Variants in TPCN2 observed in about 807,000 individuals in gnomAD.
TPCN2 encodes two pore channel protein 2.
TPCN2 carries 92 observed loss-of-function variants against 111.4 expected under a neutral mutation model. That is an observed-to-expected ratio of 0.83 (90% confidence interval 0.70 to 0.98). The LOEUF (loss-of-function observed/expected upper bound fraction) is 0.98. TPCN2 is among the 50% of genes least tolerant of loss of function. The pLI is 0.00. For missense variants in TPCN2, 995 were observed against 980.1 expected, an observed-to-expected ratio of 1.02 and a Z score of -0.20; for synonymous variants, 405 against 414.5, an observed-to-expected ratio of 0.98 and a Z score of 0.28.
intron 5 of TPCN2, among the ~76,000 whole-genome samples, chr11:69,059,752 A>AT (rs1222152002): frequency 6.6e-6 from 1 of 152,242 alleles, no homozygotes; most frequent in Non-Finnish European, 1.5e-5. Flanking sequence ...GAGGCAGGGC[A>AT]GGCAGATTCA....
intron 7 of TPCN2, among the ~76,000 whole-genome samples, chr11:69,066,861 G>A (rs1030453443): frequency 9.2e-5 from 14 of 152,186 alleles, no homozygotes; most frequent in East Asian, 3.9e-4. Flanking sequence ...CCCCGGGCCC[G>A]GAGTCTCAAG....
At chr11:69,068,101 G>C (rs1855354638) in intron 8 of TPCN2, among the ~76,000 whole-genome samples, 1 of 152,272 alleles carries the variant, frequency 6.6e-6, no homozygotes, top group Non-Finnish European at 1.5e-5. Flanking sequence ...CGCTCACCCT[G>C]TGTGATGCTC....
In TPCN2 at chr11:69,057,701, G is replaced by A. The variant is rs368450949; in HGVS notation, c.546+7G>A. 5.6e-6 allele frequency: 9 copies of A among 1,612,946 alleles called. No homozygotes were observed. The African/African-American group carries it at 1.2e-4, about 22-fold the overall frequency. ...GAGTCTCGTGTGTCATGAGGTAGGT[G>A]GTGAGGCAGCCCTGAGACAGATGGA... is the stretch of plus-strand genomic sequence containing the variant. On this transcript the variant is annotated splice_region_variant and intron_variant, in intron 5 of 24. Coordinates refer to ENST00000294309, the MANE Select transcript of TPCN2 (RefSeq NM_139075.4).
At chr11:69,050,068 C>T (rs1195718991) in intron 1 of TPCN2, among the ~76,000 whole-genome samples, 2 of 152,212 alleles carry the variant, frequency 1.3e-5, no homozygotes, top group Non-Finnish European at 1.5e-5. Flanking sequence ...CTGGTGCCCA[C>T]CCACTGGTCT....
At position 69,063,997 on chromosome 11, in the gene TPCN2, T is replaced by C. The variant is rs371231307; in HGVS notation, c.726+30T>C. 3.0e-5 allele frequency: 48 copies of C among 1,607,272 alleles called. No individual in the cohort carries two copies. In the African/African-American group the frequency reaches 5.1e-4, roughly 17 times the overall value. ...GGCACCCGTGGTCAGGGTCTGGGAA[T>C]GGGGCTGCCCTGTGCTGTGACTAAC... is the stretch of plus-strand genomic sequence containing the variant. On this transcript the variant is annotated intron_variant, in intron 7 of 24. Coordinates refer to ENST00000294309, the MANE Select transcript of TPCN2 (RefSeq NM_139075.4).
chr11:69,073,020 G>T lies in TPCN2; in HGVS notation c.1230+19G>T. ...TAAAGAGGTAACTGGGGCCACAGCC[G>T]CCCAGGGTGGATAGTGGGGGCCTTC... is the stretch of plus-strand genomic sequence containing the variant. On this transcript the variant is annotated intron_variant, in intron 13 of 24. Transcript: ENST00000294309. 1.9e-6 allele frequency: 3 copies of T among 1,594,630 alleles called. No individual in the cohort carries two copies. The highest frequency in any genetic ancestry group is 8.6e-7 in the Non-Finnish European group (1 of 1,162,890).
chr11:69,081,143 C>CG (rs1855988539), intron 17 of TPCN2, among the ~76,000 whole-genome samples: 2 of 151,780 alleles, frequency 1.3e-5, no homozygotes, highest in Non-Finnish European at 2.9e-5. Context: ...AGCCTTCCCG[C>CG]AAGGGCTGGC....
chr11:69,062,846 CA>C (rs1398069781), intron 5 of TPCN2, 37 bp from the exon 6 acceptor site: 1 of 1,583,908 alleles, frequency 6.3e-7, no homozygotes, highest in Non-Finnish European at 8.7e-7. Context: ...TAGAACTAAG[CA>C]CTTGACGTGG....
chr11:69,066,240 C>T (rs1490516716), intron 7 of TPCN2, among the ~76,000 whole-genome samples: 1 of 152,124 alleles, frequency 6.6e-6, no homozygotes, highest in Non-Finnish European at 1.5e-5. Flanking sequence ...GTGCTGTGGT[C>T]CTGCCGTCCC....
intron 17 of TPCN2, among the ~76,000 whole-genome samples, chr11:69,081,036 C>G (rs1007396210): frequency 6.6e-6 from 1 of 151,970 alleles, no homozygotes; most frequent in Non-Finnish European, 1.5e-5. Context: ...CATGGGCTCA[C>G]GCAGTTCTGC....
At position 69,049,080 on chromosome 11, in the gene TPCN2, C is replaced by T; in HGVS notation, c.83C>T (p.Thr28Ile). 8.0e-7 allele frequency: 1 copy of T among 1,242,344 alleles called. No individual in the cohort carries two copies. Among genetic ancestry groups the T allele is most frequent in the South Asian group, 4.1e-5 (1 of 24,522 alleles). 77.0% of individuals were successfully genotyped at this position (1,242,344 alleles called of 1,614,324 possible). Residue 28 changes from threonine (T) to isoleucine (I), a missense_variant, in exon 1 of 25, where the codon ACT (threonine) becomes ATT (isoleucine). Physicochemically the swap from Thr to Ile is moderately conservative, Grantham distance 89 (BLOSUM62 -1). Coordinates refer to ENST00000294309, the MANE Select transcript of TPCN2 (RefSeq NM_139075.4). ...GGGDWPAGLTTYRSIQVGPGA... is the reference protein window; with the variant it reads ...GGGDWPAGLTIYRSIQVGPGA... ...GGCGACTGGCCGGCGGGGCTGACCACTTACCGCAGCATCCAAGTCGGCCCT... is the reference window on the plus strand; with the variant it reads ...GGCGACTGGCCGGCGGGGCTGACCATTTACCGCAGCATCCAAGTCGGCCCT...
rs528794950 is a variant in TPCN2 at position 69,085,322 on chromosome 11, CAG to C, written c.1838+37_1838+38del. ...GTCCGAGGTGCCACAGGGAGTGTCT[CAG>C]GGGTGCTGGGGTGGGCGGGAAGCCT... On this transcript the variant is annotated intron_variant, in intron 20 of 24. Transcript: ENST00000294309. 1,978 of 1,312,552 alleles carry C rather than the reference CAG, an allele frequency of 1.5e-3. 41 individuals carry two copies. In the South Asian group the frequency reaches 0.022, roughly 15 times the overall value. The allele number at this position is 1,312,552 out of a possible 1,614,324, so 81.3% of individuals were successfully genotyped here. A position where few individuals can be genotyped will look rare whatever the true frequency, so the allele number is the denominator to read the frequency against.
chr11:69,052,318 C>A (rs1161270213), intron 1 of TPCN2, among the ~76,000 whole-genome samples: 3 of 152,188 alleles, frequency 2.0e-5, no homozygotes, highest in Non-Finnish European at 2.9e-5. Context: ...GCCCCCCAGG[C>A]TCCCCTCAGG....
At position 69,057,653 on chromosome 11, in the gene TPCN2, C is replaced by T. The variant is rs1474436089; in HGVS notation, c.505C>T (p.Leu169=). 6.2e-7 allele frequency: 1 copy of T among 1,614,102 alleles called. No individual in the cohort carries two copies. The highest frequency in any genetic ancestry group is 1.3e-5 in the African/African-American group (1 of 74,942). The change falls in exon 5 of 25, where the codon CTG becomes TTG. Residue 169 remains leucine (L), a synonymous_variant. Transcript: ENST00000294309. ...CTACCTCGTGGTGCTGGTGGTGTCT[C>T]TGGTGGACTGGACCGTGTCCCTGAG... ...LGYLVVLVVS[L]VDWTVSLSLV... is the part of the protein sequence containing the mutation.
intron 13 of TPCN2, among the ~76,000 whole-genome samples, chr11:69,077,641 G>A (rs1855850099): frequency 1.3e-5 from 2 of 152,168 alleles, no homozygotes; most frequent in Admixed American, 6.5e-5. Context: ...GTAGTTACCT[G>A]GGGAAACAGT....
chr11:69,054,766 T>TACCG lies in TPCN2; in HGVS notation c.223_226dup (p.Arg76ProfsTer108). The TACCG allele has an allele frequency of 2.5e-6, 4 of 1,614,192 alleles. No homozygotes were observed. Among genetic ancestry groups the TACCG allele is most frequent in the Non-Finnish European group, 3.4e-6 (4 of 1,180,022 alleles). ...GGTGGATGCCAGCTCGATGTGGCTTTACCGACGGTATTACTCGAACGTATG... is the reference window on the plus strand; with the variant it reads ...GGTGGATGCCAGCTCGATGTGGCTTTACCGACCGACGGTATTACTCGAACGTATG... On this transcript the variant is annotated frameshift_variant, in exon 3 of 25. Coordinates refer to ENST00000294309, the MANE Select transcript of TPCN2 (RefSeq NM_139075.4). LOFTEE classifies it high-confidence loss of function.
intron 7 of TPCN2, among the ~76,000 whole-genome samples, chr11:69,065,322 G>A (rs1855223876): frequency 3.3e-5 from 5 of 152,244 alleles, no homozygotes; most frequent in Admixed American, 3.3e-4. Flanking sequence ...GTGGGTGCTG[G>A]AAGTGGCAAC....
In TPCN2 at chr11:69,087,944, G is replaced by T; in HGVS notation, c.2250G>T (p.Leu750=). Reference sequence around the variant, plus strand: ...TGAGCCAGCACCCGCACCTGTGGCTGTGCAGGTGACGTCCGGGCTGCCGTC... The same window carrying T: ...TGAGCCAGCACCCGCACCTGTGGCTTTGCAGGTGACGTCCGGGCTGCCGTC... ...ERLSQHPHLW[L]CR The change falls in exon 25 of 25, where the codon CTG becomes CTT. Residue 750 remains leucine (L), a synonymous_variant. Coordinates refer to ENST00000294309, the MANE Select transcript of TPCN2 (RefSeq NM_139075.4). 6.2e-7 allele frequency: 1 copy of T among 1,609,336 alleles called. No homozygotes were observed. The highest frequency in any genetic ancestry group is 1.3e-5 in the African/African-American group (1 of 74,992).
At chr11:69,072,816 T>C in intron 12 of TPCN2, 99 bp from the exon 13 acceptor site, 1 of 1,524,800 alleles carries the variant, frequency 6.6e-7, no homozygotes, top group Non-Finnish European at 9.1e-7. Context: ...CCTGCAGCAT[T>C]CACAGCCCGT....
Sources: gnomAD v4.1 joint callset for allele counts (sites outside exome capture counted in the v4.1 genomes callset) on GRCh38, gnomAD v4.1.1 for gene constraint, MANE v1.5 for transcripts, NCBI Gene and HGNC (gene_info 2026-07-23, HGNC 2026-07-21) for gene names.